The following MOK variants were observed in gnomAD, a reference collection of about 807,000 sequenced individuals.
MOK encodes the protein MAPK/MAK/MRK overlapping kinase.
A neutral mutation model predicts 54.2 loss-of-function variants in MOK; 59 were observed. That is an observed-to-expected ratio of 1.09 (90% CI 0.88 to 1.35). The LOEUF is 1.35. Among genes scored for constraint, MOK ranks in the 40% most tolerant of loss-of-function variants. The probability of loss-of-function intolerance (pLI) is 0.00; values close to 1 mark genes in which losing one functional copy is unlikely to be tolerated. For missense variants in MOK, 517 were observed against 526.2 expected (o/e 0.98, Z 0.17); for synonymous variants, 210 against 202.7 (o/e 1.04, Z -0.31).
intron 1 of MOK, among the ~76,000 whole-genome samples, chr14:102,284,617 T>C (rs1237081266): frequency 1.3e-5 from 2 of 152,136 alleles, no homozygotes; most frequent in Non-Finnish European, 2.9e-5. Flanking sequence ...TGCAACAACA[T>C]TGGCAGAGAA....
intron 2 of MOK, among the ~76,000 whole-genome samples, chr14:102,282,483 C>A (rs2069548182): frequency 6.6e-6 from 1 of 151,998 alleles, no homozygotes; most frequent in Non-Finnish European, 1.5e-5. Context: ...GCCTGTAATC[C>A]CAGCCCTTTG....
At chr14:102,219,515 G>A (rs1172594018), downstream of MOK, among the ~76,000 whole-genome samples, 1 of 152,228 alleles carries the variant, frequency 6.6e-6, no homozygotes, top group African/African-American at 2.4e-5. Flanking sequence ...GGCTTGCTGG[G>A]GTCACTGCTG....
chr14:102,227,739 G>A (rs1193814998), downstream of MOK, among the ~76,000 whole-genome samples: 2 of 152,084 alleles, frequency 1.3e-5, no homozygotes, highest in Non-Finnish European at 2.9e-5. Context: ...GCTGCCCCAC[G>A]CTCCCCGCCC....
At chr14:102,301,909 AT>A (rs933462854) in intron 1 of MOK, among the ~76,000 whole-genome samples, 92 of 150,216 alleles carry the variant, frequency 6.1e-4, no homozygotes, top group African/African-American at 1.8e-3. Flanking sequence ...TTTTGTTTTG[AT>A]TTTTTTTTTC....
chr14:102,227,788 C>T (rs1010889878), downstream of MOK, among the ~76,000 whole-genome samples: 2 of 152,194 alleles, frequency 1.3e-5, no homozygotes, highest in African/African-American at 4.8e-5. Context: ...CCGCGTGGCC[C>T]GCGGTCCATC....
the MOK span, chr14:102,214,950 G>A: frequency 2.0e-6 from 2 of 984,926 alleles, no homozygotes; most frequent in Non-Finnish European, 2.4e-6. Flanking sequence ...CTGAAGTACT[G>A]TGGGGCTGTC....
At chr14:102,268,925 A>AG (rs897944154) in intron 2 of MOK, among the ~76,000 whole-genome samples, 3 of 152,010 alleles carry the variant, frequency 2.0e-5, no homozygotes, top group African/African-American at 7.3e-5. Flanking sequence ...AAAAAAAAAA[A>AG]AAAATTATTT....
intron 7 of MOK, among the ~76,000 whole-genome samples, chr14:102,247,151 C>T (rs2066156911): frequency 1.3e-5 from 2 of 152,136 alleles, no homozygotes; most frequent in Non-Finnish European, 2.9e-5. Flanking sequence ...TTAGTGGACA[C>T]AAAATGCTTC....
Position 102,229,055 on chromosome 14 carries a change from GA to G in MOK, c.*233del, listed in dbSNP as rs2064388380. On this transcript the variant is annotated 3_prime_UTR_variant, in exon 12 of 12. Transcript: ENST00000361847. Reference sequence around the variant, plus strand: ...CCTGCCCCAAATTCTTAACGAAAATGAAAGAAAACCCTAGAATGCGGTGGTT... The same window carrying G: ...CCTGCCCCAAATTCTTAACGAAAATGAAGAAAACCCTAGAATGCGGTGGTT... 1 of 500,352 alleles carries G rather than the reference GA, an allele frequency of 2.0e-6. No homozygotes were observed. Among genetic ancestry groups the G allele is most frequent in the Admixed American group, 3.8e-5 (1 of 26,508 alleles). The allele number at this position is 500,352 out of a possible 1,614,324, so 31.0% of individuals were successfully genotyped here.
downstream of MOK, among the ~76,000 whole-genome samples, chr14:102,226,716 C>G (rs559379816): frequency 2.6e-5 from 4 of 152,314 alleles, no homozygotes; most frequent in South Asian, 8.3e-4. The surrounding 1 kb of genome is among the most constrained non-coding windows in gnomAD (Gnocchi z 4.8). Flanking sequence ...CCAAGGGTGG[C>G]TGGCAGGATT....
Position 102,236,193 on chromosome 14 carries a change from C to T in MOK, c.591-2404G>A, listed in dbSNP as rs1035912325. Among the ~76,000 whole-genome samples the T allele has an allele frequency of 2.0e-5, 3 of 152,260 alleles. No individual in the cohort carries two copies. Among genetic ancestry groups the T allele is most frequent in the African/African-American group, 7.2e-5 (3 of 41,466 alleles). ...AAAAGTGAAGAACCGCTTGCATTCC[C>T]GCAGCTCCTCAGCCTAGCCGCTGAG... On this transcript the variant is annotated intron_variant, in intron 7 of 11. Transcript: ENST00000361847. This position sits in a 1 kb window ranked among gnomAD's most constrained non-coding sequence, Gnocchi z 4.5.
In MOK at chr14:102,304,953, C is replaced by A; in HGVS notation, c.7+9G>T. 6.2e-7 allele frequency: 1 copy of A among 1,609,474 alleles called. No homozygotes were observed. The highest frequency in any genetic ancestry group is 1.1e-5 in the South Asian group (1 of 89,878). Reference sequence around the variant, plus strand: ...TCCAGTCCCTGCCCCTTTCCCCGGCCCCACTCACTCTTCATCTTGGATGCG... The same window carrying A: ...TCCAGTCCCTGCCCCTTTCCCCGGCACCACTCACTCTTCATCTTGGATGCG... On this transcript the variant is annotated intron_variant, in intron 1 of 11. Coordinates refer to ENST00000361847, the MANE Select transcript of MOK (RefSeq NM_014226.3).
At chr14:102,226,428 G>A (rs956539561), downstream of MOK, 11 of 702,844 alleles carry the variant, frequency 1.6e-5, no homozygotes, top group Non-Finnish European at 2.6e-5. This position sits in a 1 kb window ranked among gnomAD's most constrained non-coding sequence, Gnocchi z 4.8. Context: ...TAATTCAAGC[G>A]CTTCAATTGC....
chr14:102,303,915 CAGAT>C (rs935126921), intron 1 of MOK, among the ~76,000 whole-genome samples: 1 of 152,234 alleles, frequency 6.6e-6, no homozygotes, highest in African/African-American at 2.4e-5. Flanking sequence ...TCAAAACAAA[CAGAT>C]GGGAAGAAAA....
At chr14:102,259,555 T>C (rs937880412) in intron 4 of MOK, among the ~76,000 whole-genome samples, 1 of 152,162 alleles carries the variant, frequency 6.6e-6, no homozygotes, top group African/African-American at 2.4e-5. Context: ...AATTTCCTCA[T>C]CTGTAAAATG....
chr14:102,250,589 G>A (rs1204714809), intron 7 of MOK, among the ~76,000 whole-genome samples: 3 of 152,198 alleles, frequency 2.0e-5, no homozygotes, highest in African/African-American at 7.2e-5. Context: ...GCAGGAGGGA[G>A]AACAACTGAG....
chr14:102,242,660 A>T (rs1177370279), intron 7 of MOK, among the ~76,000 whole-genome samples: 1 of 152,186 alleles, frequency 6.6e-6, no homozygotes, highest in East Asian at 1.9e-4. Context: ...CTGTTACAGC[A>T]TGGCCTTTTA....
At chr14:102,247,954 C>T (rs908012989) in intron 7 of MOK, among the ~76,000 whole-genome samples, 7 of 152,186 alleles carry the variant, frequency 4.6e-5, no homozygotes, top group Non-Finnish European at 7.3e-5. Context: ...TTGTCTCCTA[C>T]GCCTTCTCAC....
chr14:102,246,962 T>A (rs1044784536), intron 7 of MOK, among the ~76,000 whole-genome samples: 1 of 152,118 alleles, frequency 6.6e-6, no homozygotes, highest in Non-Finnish European at 1.5e-5. Context: ...AGGCTTCGTT[T>A]ATCTAGCCCC....
Sources: gnomAD v4.1 joint callset for allele counts (sites outside exome capture counted in the v4.1 genomes callset) on GRCh38, gnomAD v4.1.1 for gene constraint, Gnocchi (gnomAD v3.1) non-coding constraint, MANE v1.5 for transcripts, NCBI Gene and HGNC (gene_info 2026-07-23, HGNC 2026-07-21) for gene names.